Variants in CCDC66 observed in about 807,000 individuals in gnomAD.
CCDC66 encodes coiled-coil domain containing 66.
A neutral mutation model predicts 128.3 loss-of-function variants in CCDC66; 133 were observed. The observed-to-expected ratio is 1.04, with a 90% CI of 0.90 to 1.20. The LOEUF is 1.20. CCDC66 is among the 50% of genes most tolerant of loss of function. The pLI, the probability that CCDC66 is intolerant of heterozygous loss-of-function variation, is 0.00. For synonymous variants in CCDC66, 387 were observed against 357.0 expected, an observed-to-expected ratio of 1.08 and a Z score of -0.95; for missense variants, 1,126 against 1,075.5, an observed-to-expected ratio of 1.05 and a Z score of -0.66.
chr3:56,571,413 C>T, intron 7 of CCDC66, 111 bp downstream of exon 7: 2 of 692,362 alleles, frequency 2.9e-6, no homozygotes, highest in Non-Finnish European at 4.5e-6. Flanking sequence ...CGGAGTTTCT[C>T]TCTTGTTGCC....
rs745848348 is a variant in CCDC66, at chr3:56,619,385, TAATC to T, written c.2496_2499del (p.Asn832LysfsTer70). 2.5e-6 allele frequency: 4 copies of T among 1,613,982 alleles called. No homozygotes were observed. Among genetic ancestry groups the T allele is most frequent in the Non-Finnish European group, 3.4e-6 (4 of 1,179,904 alleles). The stretch of plus-strand genomic sequence containing the variant: ...AGAGAGAGAATTTGATCTCAGGAAG[TAATC>T]AAACAGAATTATCATCTGGGATTTC... On this transcript the variant is annotated frameshift_variant, in exon 16 of 18. Transcript: ENST00000394672. LOFTEE classifies it high-confidence loss of function.
intron 7 of CCDC66, among the ~76,000 whole-genome samples, chr3:56,583,002 C>T (rs926987033): frequency 7.3e-5 from 11 of 151,088 alleles, no homozygotes; most frequent in Admixed American, 6.7e-4. Flanking sequence ...CTCAGCCTTA[C>T]AAGTAGCTGG....
At chr3:56,573,453 G>C (rs187024125) in intron 7 of CCDC66, among the ~76,000 whole-genome samples, 5 of 152,310 alleles carry the variant, frequency 3.3e-5, no homozygotes, top group African/African-American at 1.2e-4. Flanking sequence ...TATGCTGAGT[G>C]AAGTGGCTGA....
intron 16 of CCDC66, 96 bp from the exon 17 acceptor site, chr3:56,619,681 T>C: frequency 3.3e-6 from 5 of 1,506,076 alleles, no homozygotes; most frequent in South Asian, 1.3e-5. Context: ...CTAGGATACA[T>C]ACTTATTATA....
At chr3:56,592,036 G>A (rs2106917451) in intron 7 of CCDC66, among the ~76,000 whole-genome samples, 1 of 152,132 alleles carries the variant, frequency 6.6e-6, no homozygotes, top group South Asian at 2.1e-4. Flanking sequence ...AATTAAAGTG[G>A]CAGCAAACTT....
At chr3:56,604,369 T>C (rs996943209) in intron 10 of CCDC66, among the ~76,000 whole-genome samples, 104 of 152,134 alleles carry the variant, frequency 6.8e-4, no homozygotes, top group South Asian at 1.2e-3. Flanking sequence ...TTCTTCATAG[T>C]GTCGATGGTC....
intron 15 of CCDC66, 66 bp downstream of exon 15, chr3:56,618,278 C>G: frequency 7.4e-7 from 1 of 1,353,040 alleles, no homozygotes; most frequent in South Asian, 1.2e-5. Context: ...AAAAGGGATT[C>G]AAGATCTGGA....
chr3:56,581,282 C>G (rs544796359), intron 7 of CCDC66, among the ~76,000 whole-genome samples: 1 of 151,808 alleles, frequency 6.6e-6, no homozygotes, highest in Non-Finnish European at 1.5e-5. Context: ...CTTCTCTACA[C>G]TGTTTATTCT....
intron 10 of CCDC66, among the ~76,000 whole-genome samples, chr3:56,604,695 T>G (rs1169478341): frequency 6.6e-6 from 1 of 151,972 alleles, no homozygotes; most frequent in Non-Finnish European, 1.5e-5. Context: ...CCGACCTTTC[T>G]CTCTGGCTGC....
At chr3:56,564,263 TA>T (rs11285260) in intron 4 of CCDC66, 138 bp downstream of exon 4, 190,663 of 649,996 alleles carry the variant, frequency 0.29, 29,545 homozygotes, top group East Asian at 0.46. Flanking sequence ...ATTGTTCTTT[TA>T]GAGGACTTTC....
intron 7 of CCDC66, among the ~76,000 whole-genome samples, chr3:56,580,368 G>A (rs138520582): frequency 0.032 from 4,875 of 151,824 alleles, 132 homozygotes; most frequent in Middle Eastern, 0.078. Context: ...TATCCATTTT[G>A]CCAGTCTGTG....
intron 12 of CCDC66, among the ~76,000 whole-genome samples, chr3:56,615,688 T>C (rs2075403806): frequency 6.6e-6 from 1 of 152,224 alleles, no homozygotes; most frequent in African/African-American, 2.4e-5. Flanking sequence ...AATGTGTTAA[T>C]GTTAAAATAA....
chr3:56,583,374 A>G (rs1188265126), intron 7 of CCDC66, among the ~76,000 whole-genome samples: 2 of 151,818 alleles, frequency 1.3e-5, no homozygotes, highest in African/African-American at 4.8e-5. Flanking sequence ...TCATAGGACA[A>G]TAGTGGAGGG....
chr3:56,621,791 G>T lies in CCDC66; in HGVS notation c.*173G>T. Reference sequence around the variant, plus strand: ...TGTACTTGTTCTATACAATAAAACAGATACTTCTTTTGTAAAAGCTTAGTA... The same window carrying T: ...TGTACTTGTTCTATACAATAAAACATATACTTCTTTTGTAAAAGCTTAGTA... On this transcript the variant is annotated 3_prime_UTR_variant, in exon 18 of 18. Transcript: ENST00000394672. 3.0e-4 allele frequency: 49 copies of T among 162,604 alleles called. No individual in the cohort carries two copies. Among genetic ancestry groups the T allele is most frequent in the Middle Eastern group, 2.8e-3 (1 of 354 alleles). The allele number at this position is 162,604 out of a possible 1,614,324, so 10.1% of individuals were successfully genotyped here.
At chr3:56,557,565 CAGTT>C (rs559983374) in intron 1 of CCDC66, 12 of 392,308 alleles carry the variant, frequency 3.1e-5, no homozygotes, top group African/African-American at 1.7e-4. Flanking sequence ...AATGACGAGA[CAGTT>C]AGAGGAAGCG....
chr3:56,587,620 C>T (rs2070036010), intron 7 of CCDC66, among the ~76,000 whole-genome samples: 1 of 152,184 alleles, frequency 6.6e-6, no homozygotes, highest in Non-Finnish European at 1.5e-5. Flanking sequence ...CCTGTAATTC[C>T]AGCACTTTGG....
At chr3:56,558,625 A>G (rs1427537804) in intron 1 of CCDC66, 15 of 525,170 alleles carry the variant, frequency 2.9e-5, no homozygotes, top group Non-Finnish European at 4.4e-5. Context: ...AATGATAACA[A>G]TGCTTGTAGT....
At position 56,557,194 on chromosome 3, in the gene CCDC66, C is replaced by T. The variant is rs1194090169; in HGVS notation, c.-49C>T. The T allele has an allele frequency of 7.1e-6, 11 of 1,551,060 alleles. No homozygotes were observed. The highest frequency in any genetic ancestry group is 9.6e-6 in the Non-Finnish European group (11 of 1,146,908). On this transcript the variant is annotated 5_prime_UTR_variant, in exon 1 of 18. It adds an upstream start codon to the 5' untranslated region. Coordinates refer to ENST00000394672, the MANE Select transcript of CCDC66 (RefSeq NM_001141947.3). ...CTTGCTGAGCGGCGGCGGCAACCGA[C>T]GTACACAAGGGGCTTGAGCGTTCTG...
At chr3:56,607,618 G>T (rs1193792959) in intron 10 of CCDC66, among the ~76,000 whole-genome samples, 1 of 152,102 alleles carries the variant, frequency 6.6e-6, no homozygotes, top group Non-Finnish European at 1.5e-5. Context: ...TACTGATTTG[G>T]ATGCCCTTTA....
Sources: allele counts gnomAD v4.1 joint callset (sites outside exome capture counted in the v4.1 genomes callset), GRCh38; gene constraint gnomAD v4.1.1; transcripts MANE v1.5; gene names NCBI Gene and HGNC (gene_info 2026-07-23, HGNC 2026-07-21).